Variants in KCNIP4 observed in about 807,000 individuals in gnomAD.
KCNIP4 encodes Kv channel-interacting protein 4.
A neutral mutation model predicts 34.0 loss-of-function variants in KCNIP4; 12 were observed. The observed-to-expected ratio is 0.35, with a 90% confidence interval of 0.23 to 0.57. The LOEUF (loss-of-function observed/expected upper bound fraction) is 0.57, where lower values mean the gene tolerates loss of function less well. Ranked by LOEUF, KCNIP4 falls within the 20% of genes least tolerant of loss-of-function variation. The pLI is 0.83. For synonymous variants in KCNIP4, 124 were observed against 102.2 expected (o/e 1.21, Z -1.29); for missense variants, 238 against 311.7 (o/e 0.76, Z 1.78).
chr4:21,620,392 C>T (rs2109174307), intron 1 of KCNIP4, among the ~76,000 whole-genome samples: 1 of 152,206 alleles, frequency 6.6e-6, no homozygotes, highest in East Asian at 1.9e-4. Context: ...GTCCCAGCTA[C>T]TCAGGAGGCT....
At position 21,892,806 on chromosome 4, in the gene KCNIP4, A is replaced by C. The variant is rs193007745; in HGVS notation, c.61+55765T>G. The stretch of plus-strand genomic sequence containing the variant: ...CTCTTGCTGTGATTAAGATTCACCT[A>C]AGAAGATTAACAGGGGCAACAAAAT... On this transcript the variant is annotated intron_variant, in intron 1 of 8. Transcript: ENST00000382152. Among the ~76,000 whole-genome samples, 259 of 152,282 alleles carry C rather than the reference A, an allele frequency of 1.7e-3. 4 individuals are homozygous for C. The highest frequency in any genetic ancestry group is 0.017 in the Admixed American group (257 of 15,282).
chr4:20,771,599 T>A (rs1198641652), intron 3 of KCNIP4, among the ~76,000 whole-genome samples: 1 of 152,174 alleles, frequency 6.6e-6, no homozygotes, highest in African/African-American at 2.4e-5. Context: ...AGGTCCAGAT[T>A]TTTGGAGAAC....
intron 1 of KCNIP4, among the ~76,000 whole-genome samples, chr4:21,065,705 T>C (rs192463889): frequency 1.5e-5 from 2 of 136,508 alleles, no homozygotes; most frequent in African/African-American, 5.4e-5. Context: ...GGTCATTATA[T>C]CATAGATTGG....
rs1007590582 is a variant in KCNIP4 at position 20,969,747 on chromosome 4, C to A, written c.62-87038G>T. 4.6e-5 allele frequency among the ~76,000 whole-genome samples: 7 copies of A among 150,846 alleles called. No homozygotes were observed. In the South Asian group the frequency reaches 8.3e-4, roughly 18 times the overall value. On this transcript the variant is annotated intron_variant, in intron 1 of 8. Coordinates refer to ENST00000382152, the MANE Select transcript of KCNIP4 (RefSeq NM_025221.6). ...TTATTCTAAAATCAGGATTAGTAAA[C>A]TATATTACACACATTTATAGACTAT...
intron 1 of KCNIP4, among the ~76,000 whole-genome samples, chr4:21,826,791 T>A (rs763758400): frequency 6.6e-6 from 1 of 152,116 alleles, no homozygotes; most frequent in Non-Finnish European, 1.5e-5. Flanking sequence ...TGTATAAATA[T>A]GATCATCTAC....
intron 1 of KCNIP4, among the ~76,000 whole-genome samples, chr4:20,984,658 C>T (rs1384003746): frequency 6.6e-6 from 1 of 152,208 alleles, no homozygotes; most frequent in Non-Finnish European, 1.5e-5. Context: ...TCCGCTGTCA[C>T]GTCGGGCGCA....
At chr4:21,166,938 CAAAAAAAAAAAAAA>C (rs55649635) in intron 1 of KCNIP4, among the ~76,000 whole-genome samples, 3 of 37,544 alleles carry the variant, frequency 8.0e-5, no homozygotes, top group Non-Finnish European at 1.3e-4. Flanking sequence ...CACTCCATCT[CAAAAAAAAAAAAAA>C]AAAAAAAAAA....
chr4:20,932,660 G>A (rs142850348), intron 1 of KCNIP4, among the ~76,000 whole-genome samples: 72 of 152,140 alleles, frequency 4.7e-4, no homozygotes, highest in African/African-American at 1.7e-3. Context: ...TCCATAACTT[G>A]TAAACCTCAG....
intron 1 of KCNIP4, among the ~76,000 whole-genome samples, chr4:21,832,836 C>T (rs954828852): frequency 2.5e-3 from 370 of 148,668 alleles, no homozygotes; most frequent in Non-Finnish European, 3.8e-3. Flanking sequence ...TGAGAATATG[C>T]GGTGTTTGGT....
intron 1 of KCNIP4, among the ~76,000 whole-genome samples, chr4:21,072,109 G>A (rs1744999122): frequency 1.3e-5 from 2 of 152,168 alleles, no homozygotes. Flanking sequence ...ACATATGTGG[G>A]CATGTGTCTT....
At chr4:21,023,397 G>T (rs900341744) in intron 1 of KCNIP4, among the ~76,000 whole-genome samples, 6 of 152,052 alleles carry the variant, frequency 3.9e-5, no homozygotes, top group African/African-American at 1.2e-4. Flanking sequence ...CCCACAAAAT[G>T]GGGAAAAATT....
intron 1 of KCNIP4, among the ~76,000 whole-genome samples, chr4:21,612,415 T>C (rs1459227405): frequency 1.3e-5 from 2 of 152,224 alleles, no homozygotes; most frequent in Admixed American, 6.5e-5. Context: ...AGTTTGAAAC[T>C]AGTCTGGGTA....
intron 1 of KCNIP4, chr4:21,303,680 G>T: frequency 1.6e-6 from 1 of 627,376 alleles, no homozygotes; most frequent in East Asian, 2.9e-5. Flanking sequence ...GAAAAACCTG[G>T]CTTCCTTCAT....
At chr4:21,520,089 C>G (rs1018832950) in intron 1 of KCNIP4, among the ~76,000 whole-genome samples, 3 of 151,782 alleles carry the variant, frequency 2.0e-5, no homozygotes, top group African/African-American at 7.3e-5. Context: ...TCTCCTTTCA[C>G]GTTTTTCGGC....
intron 1 of KCNIP4, among the ~76,000 whole-genome samples, chr4:21,564,537 T>C (rs909931328): frequency 1.2e-4 from 18 of 152,180 alleles, no homozygotes; most frequent in Admixed American, 1.2e-3. Flanking sequence ...CCCATGATCT[T>C]AAAAGCAAGC....
At chr4:20,919,913 A>G (rs951845991) in intron 1 of KCNIP4, among the ~76,000 whole-genome samples, 2 of 152,018 alleles carry the variant, frequency 1.3e-5, no homozygotes, top group African/African-American at 2.4e-5. Flanking sequence ...ATAACCCTAC[A>G]TTGGTAATTA....
At chr4:21,167,210 G>A (rs1425115912) in intron 1 of KCNIP4, among the ~76,000 whole-genome samples, 1 of 152,090 alleles carries the variant, frequency 6.6e-6, no homozygotes, top group Non-Finnish European at 1.5e-5. Context: ...GGAAGGTGGT[G>A]AGGAGGGCTG....
At chr4:21,805,336 C>G (rs1041393043) in intron 1 of KCNIP4, among the ~76,000 whole-genome samples, 4 of 152,016 alleles carry the variant, frequency 2.6e-5, no homozygotes, top group African/African-American at 9.7e-5. Context: ...AGGGAGGGAC[C>G]TGGTGAGAGA....
chr4:21,809,663 C>T (rs1232743970), intron 1 of KCNIP4, among the ~76,000 whole-genome samples: 1 of 152,096 alleles, frequency 6.6e-6, no homozygotes, highest in Non-Finnish European at 1.5e-5. Context: ...TTTGCATATA[C>T]CTAATAGATT....
Sources: gnomAD v4.1 joint callset for allele counts (sites outside exome capture counted in the v4.1 genomes callset) on GRCh38, gnomAD v4.1.1 for gene constraint, MANE v1.5 for transcripts, NCBI Gene and HGNC (gene_info 2026-07-23, HGNC 2026-07-21) for gene names.